The following NALF1 variants were observed in gnomAD, a reference collection of about 807,000 sequenced individuals.
NALF1 encodes the protein NALCN channel auxiliary factor 1.
Under a neutral mutation model 48.4 loss-of-function variants are expected in NALF1, and 3 were observed. The observed-to-expected ratio is 0.06, with a 90% CI of 0.03 to 0.16. The LOEUF (loss-of-function observed/expected upper bound fraction) is 0.16, where lower values mean the gene tolerates loss of function less well. Ranked by LOEUF, NALF1 falls within the 10% of genes least tolerant of loss-of-function variation. The pLI is 1.00. For synonymous variants in NALF1, 262 were observed against 245.7 expected (o/e 1.07, Z -0.62); for missense variants, 526 against 571.5 (o/e 0.92, Z 0.81).
At chr13:107,317,642 A>G (rs1882176054) in intron 1 of NALF1, among the ~76,000 whole-genome samples, 2 of 152,028 alleles carry the variant, frequency 1.3e-5, no homozygotes, top group Admixed American at 1.3e-4. Context: ...AACTTATATT[A>G]AGAGCATATA....
chr13:107,271,744 TGTA>T (rs1298722176), intron 1 of NALF1, among the ~76,000 whole-genome samples: 1 of 147,122 alleles, frequency 6.8e-6, no homozygotes, highest in African/African-American at 2.5e-5. Context: ...GCTTAATAAA[TGTA>T]GTTCCTTCTC....
chr13:107,778,543 G>T (rs1877800214), intron 1 of NALF1, among the ~76,000 whole-genome samples: 1 of 152,204 alleles, frequency 6.6e-6, no homozygotes, highest in Non-Finnish European at 1.5e-5. Context: ...ATGGCTGGCA[G>T]TCTGTTGAAA....
intron 1 of NALF1, among the ~76,000 whole-genome samples, chr13:107,567,072 A>C (rs915854618): frequency 6.6e-6 from 1 of 152,240 alleles, no homozygotes; most frequent in Non-Finnish European, 1.5e-5. Context: ...GAAATGAAAA[A>C]ATGCTACACT....
At chr13:107,291,423 C>T (rs1881617634) in intron 1 of NALF1, among the ~76,000 whole-genome samples, 1 of 151,392 alleles carries the variant, frequency 6.6e-6, no homozygotes, top group Non-Finnish European at 1.5e-5. Flanking sequence ...GTGCACAAGA[C>T]ACACAGTTTA....
intron 1 of NALF1, among the ~76,000 whole-genome samples, chr13:107,216,608 TG>T (rs1879878251): frequency 6.6e-6 from 1 of 152,222 alleles, no homozygotes; most frequent in East Asian, 1.9e-4. Flanking sequence ...TGTTTTCTGG[TG>T]GTGACCCACT....
chr13:107,473,151 T>C (rs145337936), intron 1 of NALF1, among the ~76,000 whole-genome samples: 1 of 152,346 alleles, frequency 6.6e-6, no homozygotes, highest in African/African-American at 2.4e-5. Flanking sequence ...CCCTCTGGAA[T>C]ACCAATGCTT....
At chr13:107,835,334 G>C (rs2138630634) in intron 1 of NALF1, 1 of 152,218 alleles carries the variant, frequency 6.6e-6, no homozygotes, top group African/African-American at 2.4e-5. Flanking sequence ...ATGGTGGAAG[G>C]ATCGATTTGC....
At chr13:107,306,889 C>T (rs928040253) in intron 1 of NALF1, among the ~76,000 whole-genome samples, 6 of 152,050 alleles carry the variant, frequency 3.9e-5, no homozygotes, top group South Asian at 2.1e-4. Flanking sequence ...GGCTTGAGCC[C>T]GGGAGGTCGG....
chr13:107,684,861 A>G (rs1275379582), intron 1 of NALF1, among the ~76,000 whole-genome samples: 3 of 152,192 alleles, frequency 2.0e-5, no homozygotes, highest in African/African-American at 7.2e-5. Flanking sequence ...GGCAATATTA[A>G]TCCTGAATGT....
chr13:107,368,695 T>C (rs928895876), intron 1 of NALF1, among the ~76,000 whole-genome samples: 1 of 152,230 alleles, frequency 6.6e-6, no homozygotes, highest in Non-Finnish European at 1.5e-5. Flanking sequence ...TGATTACATT[T>C]AGGGCCCACC....
chr13:107,563,460 G>A (rs532922479), intron 1 of NALF1, among the ~76,000 whole-genome samples: 4 of 152,324 alleles, frequency 2.6e-5, no homozygotes, highest in South Asian at 2.1e-4. Context: ...GCATTTTAAC[G>A]TGTTTTTCAG....
chr13:107,740,602 A>G (rs1009244970), intron 1 of NALF1, among the ~76,000 whole-genome samples: 4 of 152,240 alleles, frequency 2.6e-5, no homozygotes, highest in Admixed American at 6.5e-5. Flanking sequence ...CAGAAAACTA[A>G]AAGTGTTTAC....
chr13:107,255,183 C>A (rs1235920263), intron 1 of NALF1, among the ~76,000 whole-genome samples: 1 of 152,168 alleles, frequency 6.6e-6, no homozygotes, highest in East Asian at 1.9e-4. Context: ...TCATGGGTTG[C>A]ATATCCTCAG....
chr13:107,754,354 A>C (rs1877025408), intron 1 of NALF1, among the ~76,000 whole-genome samples: 1 of 142,308 alleles, frequency 7.0e-6, no homozygotes, highest in Non-Finnish European at 1.5e-5. Flanking sequence ...GTACATTGTG[A>C]ACACACACAC....
intron 1 of NALF1, among the ~76,000 whole-genome samples, chr13:107,372,911 C>A (rs1195634863): frequency 6.6e-6 from 1 of 152,106 alleles, no homozygotes; most frequent in Non-Finnish European, 1.5e-5. Context: ...ATACCAATTA[C>A]TGGGATAGCA....
intron 1 of NALF1, among the ~76,000 whole-genome samples, chr13:107,627,478 C>T (rs747670437): frequency 6.6e-6 from 1 of 152,076 alleles, no homozygotes; most frequent in Non-Finnish European, 1.5e-5. Flanking sequence ...AGAAGGCTGT[C>T]TTAATGGGTG....
chr13:107,343,905 T>C (rs1882727391), intron 1 of NALF1, among the ~76,000 whole-genome samples: 1 of 151,796 alleles, frequency 6.6e-6, no homozygotes, highest in Admixed American at 6.6e-5. Flanking sequence ...GAAAAAAAAT[T>C]AAACACAGAG....
intron 1 of NALF1, among the ~76,000 whole-genome samples, chr13:107,304,254 T>A (rs1258968045): frequency 1.3e-5 from 2 of 152,160 alleles, no homozygotes; most frequent in East Asian, 3.9e-4. Context: ...GAGGTATTAG[T>A]GAATATACAC....
At chr13:107,369,126 T>C (rs1337918080) in intron 1 of NALF1, among the ~76,000 whole-genome samples, 5 of 152,220 alleles carry the variant, frequency 3.3e-5, no homozygotes, top group African/African-American at 1.2e-4. Flanking sequence ...GGAATTTCCA[T>C]AGCCCCTTAT....
Sources: allele counts gnomAD v4.1 joint callset (sites outside exome capture counted in the v4.1 genomes callset), GRCh38; gene constraint gnomAD v4.1.1; transcripts MANE v1.5; gene names NCBI Gene and HGNC (gene_info 2026-07-23, HGNC 2026-07-21).